Variants in GOT1 observed in about 807,000 individuals in gnomAD.
GOT1 encodes aspartate aminotransferase, cytoplasmic.
Under a neutral mutation model 48.2 loss-of-function variants are expected in GOT1, and 25 were observed. The ratio of observed to expected loss-of-function variants is 0.52; its 90% CI spans 0.38 to 0.72. The LOEUF is 0.72. Among genes scored for constraint, GOT1 ranks in the 30% least tolerant of loss-of-function variants. The probability of loss-of-function intolerance (pLI) is 0.00; values close to 1 mark genes in which losing one functional copy is unlikely to be tolerated. For synonymous variants in GOT1, 188 were observed against 193.8 expected (o/e 0.97, Z 0.25); for missense variants, 380 against 520.1 (o/e 0.73, Z 2.62).
chr10:99,427,615 T>C (rs1289307536), intron 1 of GOT1, among the ~76,000 whole-genome samples: 1 of 152,212 alleles, frequency 6.6e-6, no homozygotes, highest in Non-Finnish European at 1.5e-5. Flanking sequence ...CATTCAATCT[T>C]GGCTCCTCAT....
intron 2 of GOT1, among the ~76,000 whole-genome samples, chr10:99,419,168 T>C (rs1462462897): frequency 2.6e-5 from 4 of 152,186 alleles, no homozygotes; most frequent in Non-Finnish European, 5.9e-5. Context: ...ATGTGGGGAA[T>C]AAATCAGATG....
Position 99,430,558 on chromosome 10 carries a change from G to GGT in GOT1, c.6_7dup (p.Pro3HisfsTer52). The GGT allele has an allele frequency of 6.2e-7, 1 of 1,601,474 alleles. No homozygotes were observed. Among genetic ancestry groups the GGT allele is most frequent in the Non-Finnish European group, 8.5e-7 (1 of 1,172,676 alleles). ...CGGAACCTCGGCAAAGACTGACGGAGGTGCCATATCGAGAGACTAGGAATC... is the reference window on the plus strand; with the variant it reads ...CGGAACCTCGGCAAAGACTGACGGAGGTGTGCCATATCGAGAGACTAGGAATC... On this transcript the variant is annotated frameshift_variant, in exon 1 of 9. Transcript: ENST00000370508. LOFTEE classifies it high-confidence loss of function.
chr10:99,412,597 A>G (rs1312274945), intron 2 of GOT1, among the ~76,000 whole-genome samples: 1 of 151,878 alleles, frequency 6.6e-6, no homozygotes, highest in East Asian at 2.0e-4. Context: ...TGAAGAGAGT[A>G]GTGGTTCTCT....
At position 99,430,542 on chromosome 10, in the gene GOT1, G is replaced by A. The variant is rs766454263; in HGVS notation, c.24C>T (p.Ala8=). ...GGACAGGCTGGGCCTGCGGAACCTC[G>A]GCAAAGACTGACGGAGGTGCCATAT... is the stretch of plus-strand genomic sequence containing the variant. The part of the protein sequence containing the change: MAPPSVF[A]EVPQAQPVLV... The change falls in exon 1 of 9, where the codon GCC becomes GCT. Residue 8 remains alanine, a synonymous_variant. Coordinates refer to ENST00000370508, the MANE Select transcript of GOT1 (RefSeq NM_002079.3). 1.9e-6 allele frequency: 3 copies of A among 1,605,894 alleles called. No individual in the cohort carries two copies. The highest frequency in any genetic ancestry group is 2.6e-6 in the Non-Finnish European group (3 of 1,175,706).
chr10:99,409,129 GT>G (rs60570617), intron 2 of GOT1, among the ~76,000 whole-genome samples: 10,312 of 148,060 alleles, frequency 0.07, 429 homozygotes, highest in Middle Eastern at 0.11. Context: ...TTTTTTTTGT[GT>G]TTTTTTTTTG....
chr10:99,418,052 A>T lies in GOT1; in HGVS notation c.300+2572T>A, dbSNP rs548739669. 6.5e-3 allele frequency among the ~76,000 whole-genome samples: 260 copies of T among 39,840 alleles called. 1 individual carries two copies. The highest frequency in any genetic ancestry group is 0.036 in the Non-Finnish European group (207 of 5,756). 26.1% of individuals were successfully genotyped at this position (39,840 alleles called of 152,430 possible). ...GTACCCTAGAACTTAAAGTATAATT[A>T]AAAAAAAAAATATATATATATATAA... On this transcript the variant is annotated intron_variant, in intron 2 of 8. Transcript: ENST00000370508.
intron 5 of GOT1, among the ~76,000 whole-genome samples, chr10:99,404,485 C>T (rs2032728212): frequency 6.6e-6 from 1 of 152,174 alleles, no homozygotes; most frequent in Non-Finnish European, 1.5e-5. Context: ...TCCCCCACAT[C>T]CTGGCACTCC....
rs115040983 is a variant in GOT1 at position 99,399,972 on chromosome 10, C to T, written c.1103-2286G>A. On this transcript the variant is annotated intron_variant, in intron 8 of 8. Transcript: ENST00000370508. Reference sequence around the variant, plus strand: ...GGGATAGAGCCTCAAGCCAACACAGCCCTGGGTGTGCCACTCTTTCTAAAA... The same window carrying T: ...GGGATAGAGCCTCAAGCCAACACAGTCCTGGGTGTGCCACTCTTTCTAAAA... Among the ~76,000 whole-genome samples, 1,310 of 152,270 alleles carry T rather than the reference C, an allele frequency of 8.6e-3. 22 individuals are homozygous for T. Among genetic ancestry groups the T allele is most frequent in the African/African-American group, 0.03 (1,244 of 41,540 alleles).
At chr10:99,398,539 A>G (rs1318573122) in intron 8 of GOT1, among the ~76,000 whole-genome samples, 1 of 152,020 alleles carries the variant, frequency 6.6e-6, no homozygotes, top group Non-Finnish European at 1.5e-5. Flanking sequence ...GCGTGGTGGC[A>G]TGTGCCTATG....
intron 1 of GOT1, among the ~76,000 whole-genome samples, chr10:99,427,735 G>A (rs1251003923): frequency 6.6e-6 from 1 of 152,112 alleles, no homozygotes; most frequent in East Asian, 1.9e-4. Flanking sequence ...CAGTGTACTG[G>A]CTACCACCTG....
chr10:99,411,456 G>C (rs1323801444), intron 2 of GOT1, among the ~76,000 whole-genome samples: 1 of 152,112 alleles, frequency 6.6e-6, no homozygotes, highest in Non-Finnish European at 1.5e-5. Context: ...AATTACTGTT[G>C]GTTTACTTGT....
chr10:99,404,722 G>A (rs919604563), intron 5 of GOT1, among the ~76,000 whole-genome samples: 11 of 151,972 alleles, frequency 7.2e-5, no homozygotes, highest in African/African-American at 2.2e-4. Flanking sequence ...GTCACTCCCC[G>A]ACATCCAAGA....
chr10:99,403,866 A>G lies in GOT1; in HGVS notation c.651T>C (p.Phe217=). 1.9e-6 allele frequency: 3 copies of G among 1,613,656 alleles called. No homozygotes were observed. Among genetic ancestry groups the G allele is most frequent in the Non-Finnish European group, 2.5e-6 (3 of 1,180,020 alleles). ...AGGCTGAGTCAAAGAAGGGGAACAGAAACCGGTGCTGCGGGGAAGCAAAGT... is the reference window on the plus strand; with the variant it reads ...AGGCTGAGTCAAAGAAGGGGAACAGGAACCGGTGCTGCGGGGAAGCAAAGT... The part of the protein sequence containing the change: ...KQIASVMKHR[F]LFPFFDSAYQ... Residue 217 remains phenylalanine, a synonymous_variant, in exon 6 of 9, where the codon TTT becomes TTC. Coordinates refer to ENST00000370508, the MANE Select transcript of GOT1 (RefSeq NM_002079.3).
chr10:99,418,887 A>G (rs1445175484), intron 2 of GOT1, among the ~76,000 whole-genome samples: 1 of 152,170 alleles, frequency 6.6e-6, no homozygotes, highest in Non-Finnish European at 1.5e-5. Context: ...CAATATGATT[A>G]ATAATCTCTA....
chr10:99,424,315 A>C (rs981417575), intron 1 of GOT1, among the ~76,000 whole-genome samples: 3 of 152,190 alleles, frequency 2.0e-5, no homozygotes, highest in Non-Finnish European at 4.4e-5. Context: ...GCTGGGTAAA[A>C]CTTACGGAGA....
At chr10:99,416,625 C>A (rs1341828752) in intron 2 of GOT1, among the ~76,000 whole-genome samples, 1 of 145,924 alleles carries the variant, frequency 6.9e-6, no homozygotes, top group East Asian at 2.1e-4. Flanking sequence ...AAAACAGCCC[C>A]CATTGCCAAG....
intron 3 of GOT1, 42 bp downstream of exon 3, chr10:99,406,684 T>G: frequency 6.3e-7 from 1 of 1,594,062 alleles, no homozygotes; most frequent in Non-Finnish European, 8.6e-7. Flanking sequence ...GATAATTCTC[T>G]CTGGTTTCTG....
chr10:99,430,608 G>A lies in GOT1; in HGVS notation c.-43C>T. ...CAAGAGATTTCACCCCACGCCCGGA[G>A]CTGGCAGGTCAGGTCTGGCCGTTGC... On this transcript the variant is annotated 5_prime_UTR_variant, in exon 1 of 9. Transcript: ENST00000370508. The A allele has an allele frequency of 6.6e-7, 1 of 1,510,948 alleles. No homozygotes were observed. The highest frequency in any genetic ancestry group is 9.0e-7 in the Non-Finnish European group (1 of 1,109,758). The allele number at this position is 1,510,948 out of a possible 1,614,324, so 93.6% of individuals were successfully genotyped here.
At position 99,402,731 on chromosome 10, in the gene GOT1, T is replaced by TGGACAGTGA. The variant is rs2032697948; in HGVS notation, c.960-18_960-10dup. The TGGACAGTGA allele has an allele frequency of 1.2e-6, 2 of 1,611,574 alleles. No individual in the cohort carries two copies. The highest frequency in any genetic ancestry group is 2.7e-5 in the African/African-American group (2 of 74,896). On this transcript the variant is annotated splice_polypyrimidine_tract_variant and intron_variant, in intron 7 of 8. Coordinates refer to ENST00000370508, the MANE Select transcript of GOT1 (RefSeq NM_002079.3). ...TCTTCACATTACCTGTCCTGAAGCA[T>TGGACAGTGA]GGACAGTGACGTAAATACCAATCCA...
Sources: gnomAD v4.1 joint callset for allele counts (sites outside exome capture counted in the v4.1 genomes callset) on GRCh38, gnomAD v4.1.1 for gene constraint, MANE v1.5 for transcripts, NCBI Gene and HGNC (gene_info 2026-07-23, HGNC 2026-07-21) for gene names.